AKAP13: variants seen among roughly 807,000 people sequenced by gnomAD.
The protein encoded by AKAP13 is A-kinase anchoring protein 13, also known as A-kinase anchor protein 13.
A neutral mutation model predicts 264.5 loss-of-function variants in AKAP13; 80 were observed. The observed-to-expected ratio is 0.30, with a 90% CI of 0.25 to 0.36. The LOEUF (loss-of-function observed/expected upper bound fraction) is 0.36. Ranked by LOEUF, AKAP13 falls within the 10% of genes least tolerant of loss-of-function variation. The pLI, the probability that AKAP13 is intolerant of heterozygous loss-of-function variation, is 1.00. For synonymous variants in AKAP13, 1,380 were observed against 1,250.2 expected, an observed-to-expected ratio of 1.10 and a Z score of -2.19; for missense variants, 3,712 against 3,435.2, an observed-to-expected ratio of 1.08 and a Z score of -2.01.
intron 5 of AKAP13, among the ~76,000 whole-genome samples, chr15:85,566,787 C>T (rs1310076886): frequency 7.2e-5 from 11 of 151,744 alleles, no homozygotes; most frequent in Admixed American, 5.3e-4. Flanking sequence ...CCACCACACC[C>T]GGCTAATTTT....
intron 1 of AKAP13, among the ~76,000 whole-genome samples, chr15:85,410,411 C>A (rs1052828340): frequency 6.6e-6 from 1 of 151,626 alleles, no homozygotes; most frequent in Non-Finnish European, 1.5e-5. Context: ...TTTTCCTGTA[C>A]ACTGTTTGGA....
At chr15:85,742,919 T>C (rs1007864176) in intron 35 of AKAP13, among the ~76,000 whole-genome samples, 2 of 151,904 alleles carry the variant, frequency 1.3e-5, no homozygotes, top group African/African-American at 4.9e-5. Context: ...TTGCTTTTTA[T>C]GACATAAGGA....
intron 30 of AKAP13, among the ~76,000 whole-genome samples, chr15:85,733,384 G>A (rs2088191752): frequency 6.6e-6 from 1 of 151,990 alleles, no homozygotes; most frequent in South Asian, 2.1e-4. Flanking sequence ...TTGCCTAGAT[G>A]CCCAAAGGAT....
chr15:85,613,013 G>A (rs528095603), intron 8 of AKAP13, among the ~76,000 whole-genome samples: 2 of 152,134 alleles, frequency 1.3e-5, no homozygotes, highest in Non-Finnish European at 2.9e-5. Flanking sequence ...CTATTATGAA[G>A]TAGCTTTTGT....
At chr15:85,433,395 T>C (rs901117269) in intron 1 of AKAP13, among the ~76,000 whole-genome samples, 4 of 152,200 alleles carry the variant, frequency 2.6e-5, no homozygotes, top group East Asian at 1.9e-4. Flanking sequence ...CATCTAAGTA[T>C]GGGAGCACTT....
chr15:85,475,402 T>A (rs1291153227), intron 1 of AKAP13, among the ~76,000 whole-genome samples: 2 of 152,304 alleles, frequency 1.3e-5, no homozygotes, highest in East Asian at 3.9e-4. Flanking sequence ...TTGGGAGTTT[T>A]CTTCTCCATA....
intron 8 of AKAP13, among the ~76,000 whole-genome samples, chr15:85,593,357 CTG>C (rs2151336760): frequency 6.6e-6 from 1 of 151,930 alleles, no homozygotes; most frequent in South Asian, 2.1e-4. Flanking sequence ...AAAAACAAAA[CTG>C]AGGATATCTT....
At chr15:85,725,744 G>A (rs1325369509) in intron 26 of AKAP13, among the ~76,000 whole-genome samples, 1 of 152,210 alleles carries the variant, frequency 6.6e-6, no homozygotes, top group Non-Finnish European at 1.5e-5. Flanking sequence ...ATCCTCAGGA[G>A]ACTAGTGGAA....
chr15:85,543,097 T>C (rs1483861335), intron 4 of AKAP13, among the ~76,000 whole-genome samples: 1 of 152,236 alleles, frequency 6.6e-6, no homozygotes, highest in Non-Finnish European at 1.5e-5. Flanking sequence ...AAATAAACGT[T>C]TTCCTTTCTG....
At chr15:85,435,188 A>G (rs2073219569) in intron 1 of AKAP13, among the ~76,000 whole-genome samples, 2 of 148,348 alleles carry the variant, frequency 1.3e-5, no homozygotes, top group African/African-American at 5.0e-5. Flanking sequence ...AAGCCTCAGG[A>G]GCCGATGCGA....
intron 8 of AKAP13, among the ~76,000 whole-genome samples, chr15:85,603,279 A>G (rs866499546): frequency 6.6e-6 from 1 of 152,220 alleles, no homozygotes; most frequent in African/African-American, 2.4e-5. Context: ...GTCACACAGA[A>G]TTTTAAAAAG....
chr15:85,634,413 AGTTT>A (rs1382753278), intron 8 of AKAP13, among the ~76,000 whole-genome samples: 1 of 152,204 alleles, frequency 6.6e-6, no homozygotes, highest in Non-Finnish European at 1.5e-5. Context: ...ACTACTTAGT[AGTTT>A]GTTTAGATAT....
Position 85,579,495 on chromosome 15 carries a change from C to G in AKAP13, c.1427C>G (p.Pro476Arg). 6.2e-7 allele frequency: 1 copy of G among 1,614,166 alleles called. No individual in the cohort carries two copies. The highest frequency in any genetic ancestry group is 1.3e-5 in the African/African-American group (1 of 75,040). ...GGISTTNVSTPDTAGEMEHGL... is the reference protein window; with the variant it reads ...GGISTTNVSTRDTAGEMEHGL... Reference sequence around the variant, plus strand: ...ATTTCAACAACAAATGTCAGTACCCCAGACACTGCAGGGGAAATGGAACAT... The same window carrying G: ...ATTTCAACAACAAATGTCAGTACCCGAGACACTGCAGGGGAAATGGAACAT... Residue 476 changes from proline to arginine, a missense_variant, in exon 7 of 37, where the codon CCA becomes CGA. By Grantham distance (103) the Pro-to-Arg change is moderately radical (BLOSUM62 -2). Transcript: ENST00000394518.
At position 85,685,072 on chromosome 15, in the gene AKAP13, A is replaced by G. The variant is rs1470173484; in HGVS notation, c.5289+199A>G. On this transcript the variant is annotated intron_variant, in intron 16 of 36. Coordinates refer to ENST00000394518, the MANE Select transcript of AKAP13 (RefSeq NM_007200.5). ...TGGAACTACCAGTTACTGAGTTTTC[A>G]CTATATGCTAAGTGCTTTCCATATA... 1.2e-5 allele frequency: 7 copies of G among 602,824 alleles called. No individual in the cohort carries two copies. In the East Asian group the frequency reaches 2.2e-4, roughly 19 times the overall value. 37.3% of individuals were successfully genotyped at this position (602,824 alleles called of 1,614,324 possible). A position where few individuals can be genotyped will look rare whatever the true frequency, so the allele number is the denominator to read the frequency against.
At chr15:85,507,630 CAG>C (rs1486256877) in intron 2 of AKAP13, among the ~76,000 whole-genome samples, 5 of 152,222 alleles carry the variant, frequency 3.3e-5, no homozygotes, top group Non-Finnish European at 7.3e-5. Context: ...TGCCCCAAGA[CAG>C]AGGGCATGAC....
intron 3 of AKAP13, among the ~76,000 whole-genome samples, chr15:85,526,885 A>T (rs982399248): frequency 2.0e-5 from 3 of 152,100 alleles, no homozygotes; most frequent in African/African-American, 7.2e-5. Context: ...TATAGTGGTT[A>T]TACTGGAAAA....
intron 1 of AKAP13, among the ~76,000 whole-genome samples, chr15:85,433,425 G>A (rs1310571954): frequency 2.6e-5 from 4 of 151,750 alleles, no homozygotes; most frequent in Admixed American, 2.6e-4. Context: ...CGTCTTTGTC[G>A]GTAGTGGGCA....
At chr15:85,534,336 G>GA (rs1244294850) in intron 4 of AKAP13, 1 of 175,376 alleles carries the variant, frequency 5.7e-6, no homozygotes, top group Non-Finnish European at 1.2e-5. Flanking sequence ...TGTGCTCTGA[G>GA]AAACCACACA....
rs574109196 is a variant in AKAP13 at position 85,515,881 on chromosome 15, A to G, written c.34-5547A>G. ...CATTTGATTCAGGTGTTATCTGCCA[A>G]AGTTCTGCTTTCCCCTTTGTTATTT... On this transcript the variant is annotated intron_variant, in intron 2 of 36. Coordinates refer to ENST00000394518, the MANE Select transcript of AKAP13 (RefSeq NM_007200.5). Among the ~76,000 whole-genome samples the G allele has an allele frequency of 8.4e-5, 12 of 143,238 alleles. 2 individuals carry two copies. Among genetic ancestry groups the G allele is most frequent in the Admixed American group, 8.4e-4 (12 of 14,324 alleles). 94.0% of individuals were successfully genotyped at this position (143,238 alleles called of 152,430 possible).
Sources: gnomAD v4.1 joint callset for allele counts (sites outside exome capture counted in the v4.1 genomes callset) on GRCh38, gnomAD v4.1.1 for gene constraint, MANE v1.5 for transcripts, NCBI Gene and HGNC (gene_info 2026-07-23, HGNC 2026-07-21) for gene names.